Variants in LPP observed in about 807,000 individuals in gnomAD.
LPP encodes lipoma-preferred partner.
In LPP, 38 loss-of-function variants were observed where a neutral mutation model predicts 60.4. That is an observed-to-expected ratio of 0.63 (90% CI 0.49 to 0.83). The LOEUF (loss-of-function observed/expected upper bound fraction) is 0.83, where lower values mean the gene tolerates loss of function less well. Among genes scored for constraint, LPP ranks in the 40% least tolerant of loss-of-function variants. The pLI is 0.00. For synonymous variants in LPP, 328 were observed against 290.8 expected, an observed-to-expected ratio of 1.13 and a Z score of -1.30; for missense variants, 902 against 783.6, an observed-to-expected ratio of 1.15 and a Z score of -1.80.
chr3:188,426,423 A>C (rs549675999), intron 4 of LPP, among the ~76,000 whole-genome samples: 1 of 152,148 alleles, frequency 6.6e-6, no homozygotes, highest in Admixed American at 6.5e-5. Flanking sequence ...AAGAATATAT[A>C]TTTTGTTGAT....
At chr3:188,302,255 A>G (rs1750134055) in intron 2 of LPP, among the ~76,000 whole-genome samples, 1 of 152,226 alleles carries the variant, frequency 6.6e-6, no homozygotes, top group African/African-American at 2.4e-5. Flanking sequence ...AAGAGGCTAA[A>G]TGATTTGCCT....
At chr3:188,843,652 T>C (rs1340965755) in intron 9 of LPP, among the ~76,000 whole-genome samples, 1 of 149,960 alleles carries the variant, frequency 6.7e-6, no homozygotes, top group African/African-American at 2.5e-5. Context: ...CCGGGCGCAG[T>C]GGGGGGCGCC....
At chr3:188,327,989 G>A (rs1758922698) in intron 2 of LPP, among the ~76,000 whole-genome samples, 1 of 152,104 alleles carries the variant, frequency 6.6e-6, no homozygotes, top group South Asian at 2.1e-4. Flanking sequence ...TGACAAAAGT[G>A]GGAGCTGGAT....
At chr3:188,773,113 G>A (rs1419205485) in intron 9 of LPP, among the ~76,000 whole-genome samples, 1 of 152,174 alleles carries the variant, frequency 6.6e-6, no homozygotes, top group African/African-American at 2.4e-5. Flanking sequence ...TTGCCAAGGA[G>A]TTTGAGTGGA....
At chr3:188,396,459 A>T (rs941588885) in intron 3 of LPP, among the ~76,000 whole-genome samples, 1 of 152,214 alleles carries the variant, frequency 6.6e-6, no homozygotes, top group Non-Finnish European at 1.5e-5. Context: ...ACATGTTTTA[A>T]TACAAGTTTG....
At chr3:188,743,700 A>C (rs940543566) in intron 8 of LPP, 4 of 152,086 alleles carry the variant, frequency 2.6e-5, no homozygotes, top group Admixed American at 2.0e-4. Flanking sequence ...ACTTCCTCTG[A>C]AGCTTGTGTC....
At chr3:188,833,012 G>C (rs2151616719) in intron 9 of LPP, among the ~76,000 whole-genome samples, 1 of 152,330 alleles carries the variant, frequency 6.6e-6, no homozygotes. Context: ...CTTTCACCCA[G>C]TTAAATAACT....
intron 6 of LPP, among the ~76,000 whole-genome samples, chr3:188,530,034 G>A (rs1369290644): frequency 6.6e-6 from 1 of 152,182 alleles, no homozygotes; most frequent in Non-Finnish European, 1.5e-5. Context: ...GGAAGGGCAT[G>A]GGATTCAAGG....
At chr3:188,400,280 C>T (rs1342781618) in intron 3 of LPP, among the ~76,000 whole-genome samples, 2 of 152,032 alleles carry the variant, frequency 1.3e-5, no homozygotes, top group African/African-American at 2.4e-5. Context: ...GAGTGAAGAC[C>T]GGAGATTTGG....
At chr3:188,288,561 C>T (rs1744775211) in intron 2 of LPP, among the ~76,000 whole-genome samples, 1 of 147,606 alleles carries the variant, frequency 6.8e-6, no homozygotes, top group Non-Finnish European at 1.5e-5. Flanking sequence ...GAGCCTTGGC[C>T]TTTTCCATAT....
At position 188,883,727 on chromosome 3, in the gene LPP, C is replaced by A. The variant is rs1294688128; in HGVS notation, c.*9248C>A. On this transcript the variant is annotated 3_prime_UTR_variant, in exon 12 of 12. Coordinates refer to ENST00000617246, the MANE Select transcript of LPP (RefSeq NM_001375462.1). ...CAGCCTGGGCGACAGAACGAGACTC[C>A]GTCTCAAAAAAAAAAAAAAAAAAAA... The A allele has an allele frequency of 4.4e-5, 2 of 45,884 alleles. No homozygotes were observed. Among genetic ancestry groups the A allele is most frequent in the Non-Finnish European group, 1.0e-4 (2 of 19,596 alleles). 2.8% of individuals were successfully genotyped at this position (45,884 alleles called of 1,614,324 possible). A position where few individuals can be genotyped will look rare whatever the true frequency, so the allele number is the denominator to read the frequency against.
chr3:188,766,032 G>A (rs1039808822), intron 9 of LPP, among the ~76,000 whole-genome samples: 7 of 151,370 alleles, frequency 4.6e-5, no homozygotes, highest in African/African-American at 1.7e-4. Context: ...CACCACGCCC[G>A]GCTAATTTTT....
chr3:188,300,123 A>G (rs1336573953), intron 2 of LPP, among the ~76,000 whole-genome samples: 1 of 152,224 alleles, frequency 6.6e-6, no homozygotes, highest in Non-Finnish European at 1.5e-5. Context: ...TAATGAGTCC[A>G]TCATCCAGGG....
Position 188,352,049 on chromosome 3 carries a change from C to T in LPP, c.-10+10330C>T, listed in dbSNP as rs1036660389. On this transcript the variant is annotated intron_variant, in intron 3 of 11. Coordinates refer to ENST00000617246, the MANE Select transcript of LPP (RefSeq NM_001375462.1). The surrounding 1 kb of genome is among the most constrained non-coding windows in gnomAD (Gnocchi z 4.4). Reference sequence around the variant, plus strand: ...CGACCTCAACGTGTATTATTTCCTCCCCCCTTGTCATTTTTCTTCTATTAC... The same window carrying T: ...CGACCTCAACGTGTATTATTTCCTCTCCCCTTGTCATTTTTCTTCTATTAC... Among the ~76,000 whole-genome samples the T allele has an allele frequency of 6.6e-6, 1 of 152,118 alleles. No individual in the cohort carries two copies. The highest frequency in any genetic ancestry group is 1.5e-5 in the Non-Finnish European group (1 of 68,020).
intron 2 of LPP, among the ~76,000 whole-genome samples, chr3:188,245,106 C>T (rs1411564066): frequency 6.6e-6 from 1 of 151,892 alleles, no homozygotes; most frequent in Non-Finnish European, 1.5e-5. Context: ...TGTTTCCCAC[C>T]CTGCCCCCGC....
intron 2 of LPP, among the ~76,000 whole-genome samples, chr3:188,338,589 C>T (rs1002934993): frequency 1.3e-5 from 2 of 152,100 alleles, no homozygotes; most frequent in African/African-American, 4.8e-5. Flanking sequence ...TTGATAATTA[C>T]AGCACTAAAA....
At chr3:188,205,837 GGGA>G (rs1733054999) in intron 1 of LPP, among the ~76,000 whole-genome samples, 1 of 152,212 alleles carries the variant, frequency 6.6e-6, no homozygotes, top group African/African-American at 2.4e-5. Flanking sequence ...ATAGCACGGA[GGGA>G]GGTGAAAAGT....
At chr3:188,417,705 G>A (rs182658815) in intron 4 of LPP, among the ~76,000 whole-genome samples, 23 of 152,246 alleles carry the variant, frequency 1.5e-4, no homozygotes, top group African/African-American at 5.5e-4. Context: ...TTTCCTGGAG[G>A]TACTGGCCAG....
At chr3:188,430,096 G>C (rs531930626) in intron 4 of LPP, among the ~76,000 whole-genome samples, 3 of 151,998 alleles carry the variant, frequency 2.0e-5, no homozygotes. Flanking sequence ...GATTGATTAG[G>C]ACAAATAGGG....
Sources: gnomAD v4.1 joint callset for allele counts (sites outside exome capture counted in the v4.1 genomes callset) on GRCh38, gnomAD v4.1.1 for gene constraint, Gnocchi (gnomAD v3.1) non-coding constraint, MANE v1.5 for transcripts, NCBI Gene and HGNC (gene_info 2026-07-23, HGNC 2026-07-21) for gene names.